The following RALGAPA2 variants were observed in gnomAD, a reference collection of about 807,000 sequenced individuals.
RALGAPA2 encodes Ral GTPase activating protein catalytic subunit alpha 2, also known as ral GTPase-activating protein subunit alpha-2.
RALGAPA2 carries 139 observed loss-of-function variants against 230.4 expected under a neutral mutation model. The ratio of observed to expected loss-of-function variants is 0.60; its 90% CI spans 0.53 to 0.69. The LOEUF is 0.69. Among genes scored for constraint, RALGAPA2 ranks in the 30% least tolerant of loss-of-function variants. The pLI is 0.00. For missense variants in RALGAPA2, 2,163 were observed against 2,276.0 expected (o/e 0.95, Z 1.01); for synonymous variants, 847 against 837.8 (o/e 1.01, Z -0.19).
intron 15 of RALGAPA2, among the ~76,000 whole-genome samples, chr20:20,603,792 G>A (rs1277271251): frequency 1.3e-5 from 2 of 152,170 alleles, no homozygotes; most frequent in African/African-American, 4.8e-5. Context: ...ATAAATAAGT[G>A]GTTGTTATTT....
At chr20:20,660,522 G>GTT (rs201021064) in intron 3 of RALGAPA2, among the ~76,000 whole-genome samples, 2 of 144,448 alleles carry the variant, frequency 1.4e-5, no homozygotes, top group Admixed American at 6.9e-5. Flanking sequence ...GTACAGGCCT[G>GTT]TTTTTTTTTT....
chr20:20,585,894 A>G (rs1048566143), intron 18 of RALGAPA2, among the ~76,000 whole-genome samples: 3 of 152,202 alleles, frequency 2.0e-5, no homozygotes, highest in Admixed American at 2.0e-4. Context: ...TGCCCCACAA[A>G]TGTTGACCAT....
At chr20:20,443,923 A>C (rs574438035) in intron 37 of RALGAPA2, among the ~76,000 whole-genome samples, 1 of 152,354 alleles carries the variant, frequency 6.6e-6, no homozygotes, top group East Asian at 1.9e-4. Flanking sequence ...GGCATCTGTG[A>C]ATCCCTGCTA....
intron 3 of RALGAPA2, 117 bp downstream of exon 3, chr20:20,676,118 GA>G (rs146686694): frequency 1.5e-6 from 1 of 667,476 alleles, no homozygotes; most frequent in Non-Finnish European, 2.4e-6. Flanking sequence ...AGGAAGGAAA[GA>G]AAAAAATATA....
chr20:20,536,624 A>G (rs1256466227), intron 25 of RALGAPA2, 32 bp downstream of exon 25: 4 of 1,602,844 alleles, frequency 2.5e-6, no homozygotes, highest in African/African-American at 1.3e-5. Context: ...AAAAAGTACT[A>G]AACTTGAGAT....
intron 2 of RALGAPA2, among the ~76,000 whole-genome samples, chr20:20,678,913 C>T (rs562642376): frequency 1.3e-5 from 2 of 152,230 alleles, no homozygotes; most frequent in South Asian, 2.1e-4. Context: ...CACCAATAGG[C>T]TGACTCTACA....
chr20:20,513,622 C>T (rs1161829359), intron 31 of RALGAPA2, among the ~76,000 whole-genome samples: 1 of 152,084 alleles, frequency 6.6e-6, no homozygotes, highest in Non-Finnish European at 1.5e-5. Flanking sequence ...TGTAATTTAC[C>T]CTTCCACTGG....
intron 3 of RALGAPA2, among the ~76,000 whole-genome samples, chr20:20,658,280 T>A (rs2067656422): frequency 6.6e-6 from 1 of 152,202 alleles, no homozygotes; most frequent in Admixed American, 6.5e-5. Context: ...TACCCAAATA[T>A]TGCAAGAGCC....
chr20:20,412,147 A>G lies in RALGAPA2; in HGVS notation c.5497T>C (p.Tyr1833His), dbSNP rs1321501189. 5.6e-6 allele frequency: 9 copies of G among 1,613,920 alleles called. No individual in the cohort carries two copies. The highest frequency in any genetic ancestry group is 2.2e-5 in the East Asian group (1 of 44,876). Residue 1833 changes from tyrosine to histidine, a missense_variant and splice_region_variant, in exon 38 of 40, where the codon TAT becomes CAT. Tyr to His is a moderately conservative substitution (Grantham distance 83). Coordinates refer to ENST00000202677, the MANE Select transcript of RALGAPA2 (RefSeq NM_020343.4). ...TCGAGATACAGAGCTCGCTCTTCATAGCTGCGGTAATCGGTTAAGGAAACA... is the reference window on the plus strand; with the variant it reads ...TCGAGATACAGAGCTCGCTCTTCATGGCTGCGGTAATCGGTTAAGGAAACA... Reference protein sequence around the residue: ...KCLIPLYQSFYEERALYLEAI... With the variant: ...KCLIPLYQSFHEERALYLEAI...
At chr20:20,575,223 A>T (rs1258878343) in intron 20 of RALGAPA2, among the ~76,000 whole-genome samples, 2 of 152,080 alleles carry the variant, frequency 1.3e-5, no homozygotes, top group Non-Finnish European at 2.9e-5. Flanking sequence ...ATATACTCAC[A>T]GCTCTACATG....
At chr20:20,508,859 G>A (rs1301866700) in intron 33 of RALGAPA2, among the ~76,000 whole-genome samples, 1 of 152,156 alleles carries the variant, frequency 6.6e-6, no homozygotes, top group Admixed American at 6.6e-5. Context: ...ACTAAATCCA[G>A]GAGTTGGGGT....
At chr20:20,513,619 T>C (rs1336795365) in intron 31 of RALGAPA2, among the ~76,000 whole-genome samples, 1 of 152,086 alleles carries the variant, frequency 6.6e-6, no homozygotes, top group African/African-American at 2.4e-5. Context: ...CTCTGTAATT[T>C]ACCCTTCCAC....
At chr20:20,530,648 C>G (rs968855801) in intron 27 of RALGAPA2, among the ~76,000 whole-genome samples, 26 of 152,264 alleles carry the variant, frequency 1.7e-4, no homozygotes, top group Middle Eastern at 3.4e-3. Context: ...GCTGTAAGTG[C>G]CGTTGCTATT....
At chr20:20,534,925 T>G (rs972437469) in intron 26 of RALGAPA2, among the ~76,000 whole-genome samples, 3 of 152,220 alleles carry the variant, frequency 2.0e-5, no homozygotes. Context: ...GCTTAATATT[T>G]GCAAATTATT....
intron 20 of RALGAPA2, among the ~76,000 whole-genome samples, chr20:20,574,167 T>C (rs1200830457): frequency 1.3e-5 from 2 of 152,208 alleles, no homozygotes; most frequent in Admixed American, 1.3e-4. Flanking sequence ...AGTATCTCAC[T>C]GAGGTTTTCA....
At chr20:20,414,348 C>T (rs958234315) in intron 37 of RALGAPA2, among the ~76,000 whole-genome samples, 11 of 152,178 alleles carry the variant, frequency 7.2e-5, no homozygotes, top group Non-Finnish European at 1.3e-4. Context: ...GGCCCCACTG[C>T]GTCCAACACA....
At chr20:20,445,553 G>C (rs187657304) in intron 37 of RALGAPA2, among the ~76,000 whole-genome samples, 2 of 152,170 alleles carry the variant, frequency 1.3e-5, no homozygotes, top group Admixed American at 1.3e-4. Context: ...TCTTGTTTTT[G>C]AAATAAACCA....
intron 24 of RALGAPA2, 77 bp from the exon 25 acceptor site, chr20:20,536,861 C>A: frequency 7.0e-7 from 1 of 1,436,852 alleles, no homozygotes; most frequent in South Asian, 1.3e-5. Context: ...ATGTTTTACT[C>A]TTCATCCTAG....
intron 4 of RALGAPA2, among the ~76,000 whole-genome samples, chr20:20,646,954 G>A (rs1458435207): frequency 6.6e-6 from 1 of 151,652 alleles, no homozygotes. Context: ...AAAATTGGAT[G>A]TATTAAAACT....
Sources: allele counts gnomAD v4.1 joint callset (sites outside exome capture counted in the v4.1 genomes callset), GRCh38; gene constraint gnomAD v4.1.1; transcripts MANE v1.5; gene names NCBI Gene and HGNC (gene_info 2026-07-23, HGNC 2026-07-21).